The following TRERF1 variants were observed in gnomAD, a reference collection of about 807,000 sequenced individuals.
TRERF1 encodes the protein transcriptional regulating factor 1, also known as transcriptional-regulating factor 1.
In TRERF1, 27 loss-of-function variants were observed where a neutral mutation model predicts 122.9. That is an observed-to-expected ratio of 0.22 (90% confidence interval 0.16 to 0.30). TRERF1 has a LOEUF of 0.30. TRERF1 is among the 10% of genes least tolerant of loss of function. The pLI is 1.00. For synonymous variants in TRERF1, 636 were observed against 641.7 expected, an observed-to-expected ratio of 0.99 and a Z score of 0.13; for missense variants, 1,248 against 1,560.3, an observed-to-expected ratio of 0.80 and a Z score of 3.37.
chr6:42,358,649 T>C (rs545559455), intron 3 of TRERF1, among the ~76,000 whole-genome samples: 3 of 152,334 alleles, frequency 2.0e-5, no homozygotes, highest in African/African-American at 7.2e-5. Context: ...TTTGTTCTTA[T>C]ATTATCTTTT....
At chr6:42,419,166 G>C (rs1187143891) in intron 2 of TRERF1, among the ~76,000 whole-genome samples, 2 of 152,144 alleles carry the variant, frequency 1.3e-5, no homozygotes, top group African/African-American at 2.4e-5. Flanking sequence ...GATATGAACT[G>C]CCACAATCCC....
intron 4 of TRERF1, among the ~76,000 whole-genome samples, chr6:42,277,134 T>C (rs544141465): frequency 6.6e-6 from 1 of 152,292 alleles, no homozygotes; most frequent in East Asian, 1.9e-4. Flanking sequence ...GTATGGAAAC[T>C]AAGGACATGG....
intron 2 of TRERF1, among the ~76,000 whole-genome samples, chr6:42,429,099 C>T (rs890483577): frequency 2.6e-5 from 4 of 152,234 alleles, no homozygotes; most frequent in African/African-American, 9.6e-5. Context: ...GAAAGCCACT[C>T]ATTATTTTAA....
Position 42,236,269 on chromosome 6 carries a change from G to A in TRERF1, c.3002C>T (p.Pro1001Leu), listed in dbSNP as rs372620033. 190 of 1,612,828 alleles carry A rather than the reference G, an allele frequency of 1.2e-4. No individual in the cohort carries two copies. The highest frequency in any genetic ancestry group is 1.4e-4 in the Non-Finnish European group (163 of 1,179,536). Residue 1001 changes from proline to leucine, a missense_variant, in exon 16 of 18, where the codon CCG becomes CTG. By Grantham distance (98) the Pro-to-Leu change is moderately conservative. Around this residue, in one of 5 missense-constraint regions of TRERF1, gnomAD observed 159 missense variants for 221.7 expected, o/e 0.72. Coordinates refer to ENST00000372922, the Ensembl canonical transcript of TRERF1. Reference sequence around the variant, plus strand: ...GGGCTGGCCCAGGGCCTGCAGGGGCGGCCCCTCCGTGGGAGCCAGGACGGG... The same window carrying A: ...GGGCTGGCCCAGGGCCTGCAGGGGCAGCCCCTCCGTGGGAGCCAGGACGGG...
At chr6:42,249,767 T>C (rs1004425828) in intron 13 of TRERF1, among the ~76,000 whole-genome samples, 6 of 152,304 alleles carry the variant, frequency 3.9e-5, no homozygotes, top group South Asian at 2.1e-4. Context: ...CTAGGCTTTG[T>C]GCTTTGGTGC....
chr6:42,285,325 T>A (rs560266254), intron 4 of TRERF1, among the ~76,000 whole-genome samples: 1 of 152,304 alleles, frequency 6.6e-6, no homozygotes, highest in East Asian at 1.9e-4. Flanking sequence ...TTTTTGTACA[T>A]TGATTTTGTA....
intron 3 of TRERF1, among the ~76,000 whole-genome samples, chr6:42,321,822 A>G (rs1030308196): frequency 3.3e-5 from 5 of 152,262 alleles, no homozygotes; most frequent in African/African-American, 1.2e-4. Flanking sequence ...TAAGCCTAAA[A>G]AAAAATCACT....
intron 2 of TRERF1, among the ~76,000 whole-genome samples, chr6:42,368,137 C>T (rs750969633): frequency 1.3e-5 from 2 of 152,200 alleles, no homozygotes; most frequent in Middle Eastern, 3.4e-3. Context: ...CCCAAGTGCC[C>T]GTGGAATGGG....
chr6:42,327,388 G>A (rs1764478496), intron 3 of TRERF1, among the ~76,000 whole-genome samples: 1 of 152,146 alleles, frequency 6.6e-6, no homozygotes, highest in South Asian at 2.1e-4. Context: ...TTTGTCCGGG[G>A]TCTCAGAGAG....
exon 4 of TRERF1, chr6:42,300,654 G>GACCTCC (rs1454342572): frequency 6.5e-6 from 1 of 152,768 alleles, no homozygotes; most frequent in African/African-American, 2.4e-5. Context: ...CTCCGCAGAT[G>GACCTCC]GCTGAGTTGG....
At chr6:42,267,808 T>G (rs1437770206) in intron 5 of TRERF1, among the ~76,000 whole-genome samples, 3 of 152,182 alleles carry the variant, frequency 2.0e-5, no homozygotes. Flanking sequence ...TCACAGAGCA[T>G]ATCCAGAGCA....
At chr6:42,283,500 A>G (rs1309734346) in intron 4 of TRERF1, among the ~76,000 whole-genome samples, 1 of 152,042 alleles carries the variant, frequency 6.6e-6, no homozygotes, top group African/African-American at 2.4e-5. Context: ...TGGGGAAAAG[A>G]GCAGGAGGGA....
intron 2 of TRERF1, among the ~76,000 whole-genome samples, chr6:42,390,372 C>T (rs1352967941): frequency 1.3e-5 from 2 of 152,128 alleles, no homozygotes; most frequent in Non-Finnish European, 2.9e-5. Flanking sequence ...CCACAGGCCT[C>T]ATAAGAGGCA....
chr6:42,248,560 C>G lies in TRERF1; in HGVS notation c.2657-2016G>C, dbSNP rs150395499. Reference sequence around the variant, plus strand: ...CAGAGATGGGGATTCACCAAGTTGGCCAGGCTGGCCTTAGCTCCTGACCTG... The same window carrying G: ...CAGAGATGGGGATTCACCAAGTTGGGCAGGCTGGCCTTAGCTCCTGACCTG... On this transcript the variant is annotated intron_variant, in intron 13 of 17. Coordinates refer to ENST00000372922, the Ensembl canonical transcript of TRERF1. Among the ~76,000 whole-genome samples the G allele has an allele frequency of 7.6e-3, 1,158 of 152,294 alleles. 17 individuals carry two copies. The highest frequency in any genetic ancestry group is 0.026 in the African/African-American group (1,081 of 41,552).
rs1177293638 is a variant in TRERF1, at chr6:42,259,106, A to G, written c.2269+233T>C. Among the ~76,000 whole-genome samples the G allele has an allele frequency of 2.6e-5, 4 of 152,074 alleles. No homozygotes were observed. Among genetic ancestry groups the G allele is most frequent in the Non-Finnish European group, 4.4e-5 (3 of 68,024 alleles). On this transcript the variant is annotated intron_variant, in intron 9 of 17. Coordinates refer to ENST00000372922, the Ensembl canonical transcript of TRERF1. This position sits in a 1 kb window ranked among gnomAD's most constrained non-coding sequence, Gnocchi z 4.9. ...GGGTGAACATTTCAACTGTTTCCTTATCCCAGAGACTGTAGTGATCACTTT... is the reference window on the plus strand; with the variant it reads ...GGGTGAACATTTCAACTGTTTCCTTGTCCCAGAGACTGTAGTGATCACTTT...
Position 42,257,022 on chromosome 6 carries a change from T to C in TRERF1, c.2417A>G (p.Lys806Arg), listed in dbSNP as rs142386407. Residue 806 changes from lysine to arginine, a missense_variant, in exon 11 of 18, where the codon AAG becomes AGG. Transcript: ENST00000372922. ...CCAGGGCTTCCATACCAGTGTGGCC[T>C]TGTGTGTGTCCTGGGCCAGGGCAGA... The C allele has an allele frequency of 1.4e-5, 22 of 1,614,092 alleles. No homozygotes were observed. In the African/African-American group the frequency reaches 2.8e-4, roughly 21 times the overall value.
intron 2 of TRERF1, among the ~76,000 whole-genome samples, chr6:42,418,917 CTAATCAAGTCA>C: frequency 6.6e-6 from 1 of 152,306 alleles, no homozygotes; most frequent in Non-Finnish European, 1.5e-5. Flanking sequence ...ACTGATGCCA[CTAATCAAGTCA>C]TAAAGCCTTA....
At position 42,284,979 on chromosome 6, in the gene TRERF1, A is replaced by C. The variant is rs970357577; in HGVS notation, c.-258-15131T>G. Among the ~76,000 whole-genome samples, 165 of 151,746 alleles carry C rather than the reference A, an allele frequency of 1.1e-3. 2 individuals carry two copies. Among genetic ancestry groups the C allele is most frequent in the African/African-American group, 3.8e-3 (157 of 41,408 alleles). ...GAAGTAAGCAGACCTTTTTTTTTTC[A>C]AAGGTCCTCAAGGTAAGATTTCTGA... is the stretch of plus-strand genomic sequence containing the variant. On this transcript the variant is annotated intron_variant, in intron 4 of 17. Transcript: ENST00000372922.
chr6:42,329,880 T>C (rs1282093200), intron 3 of TRERF1, among the ~76,000 whole-genome samples: 1 of 151,728 alleles, frequency 6.6e-6, no homozygotes, highest in Non-Finnish European at 1.5e-5. Context: ...TCCCAGCTAC[T>C]CCGGAGGCTG....
Sources: gnomAD v4.1 joint callset for allele counts (sites outside exome capture counted in the v4.1 genomes callset) on GRCh38, gnomAD v4.1.1 for gene constraint, gnomAD v4.1.1 regional missense constraint, Gnocchi (gnomAD v3.1) non-coding constraint, MANE v1.5 for transcripts, NCBI Gene and HGNC (gene_info 2026-07-23, HGNC 2026-07-21) for gene names.